KIAA1328: variants seen among roughly 807,000 people sequenced by gnomAD.
The protein encoded by KIAA1328 is KIAA1328, also known as protein hinderin.
Under a neutral mutation model 68.1 loss-of-function variants are expected in KIAA1328, and 52 were observed. That is an observed-to-expected ratio of 0.76 (90% CI 0.61 to 0.96). The LOEUF is 0.96. KIAA1328 is among the 40% of genes least tolerant of loss of function. The probability of loss-of-function intolerance (pLI) is 0.00; values close to 1 mark genes in which losing one functional copy is unlikely to be tolerated. For missense variants in KIAA1328, 641 were observed against 677.6 expected, an observed-to-expected ratio of 0.95 and a Z score of 0.60; for synonymous variants, 232 against 239.4, an observed-to-expected ratio of 0.97 and a Z score of 0.28.
At chr18:37,106,205 T>C (rs2057771565) in intron 7 of KIAA1328, among the ~76,000 whole-genome samples, 1 of 152,036 alleles carries the variant, frequency 6.6e-6, no homozygotes, top group South Asian at 2.1e-4. Context: ...AAAGTACTAA[T>C]GCATGTTACA....
intron 7 of KIAA1328, among the ~76,000 whole-genome samples, chr18:37,124,565 C>G (rs909715971): frequency 1.3e-5 from 2 of 152,090 alleles, no homozygotes; most frequent in African/African-American, 4.8e-5. Context: ...ACGGTCATGT[C>G]AATTTCAAGG....
At chr18:37,082,706 C>G (rs2056988478) in intron 7 of KIAA1328, among the ~76,000 whole-genome samples, 1 of 152,134 alleles carries the variant, frequency 6.6e-6, no homozygotes, top group Non-Finnish European at 1.5e-5. Flanking sequence ...TTCATTCTGC[C>G]ACCTTGTTAC....
chr18:37,057,242 G>A (rs2055948002), intron 6 of KIAA1328, among the ~76,000 whole-genome samples: 1 of 151,944 alleles, frequency 6.6e-6, no homozygotes, highest in Non-Finnish European at 1.5e-5. Context: ...AGAATATTTA[G>A]TATAATCATC....
downstream of KIAA1328, among the ~76,000 whole-genome samples, chr18:37,225,553 C>T (rs773982564): frequency 3.9e-5 from 6 of 152,206 alleles, no homozygotes; most frequent in Non-Finnish European, 5.9e-5. Context: ...CACGTGAACA[C>T]CAAGCCGCCT....
chr18:37,049,684 A>G (rs2055615031), intron 6 of KIAA1328, among the ~76,000 whole-genome samples: 1 of 152,166 alleles, frequency 6.6e-6, no homozygotes, highest in South Asian at 2.1e-4. Context: ...AGCCACCTAC[A>G]CAAGGAAGAA....
intron 6 of KIAA1328, among the ~76,000 whole-genome samples, chr18:36,963,315 T>C (rs2051773967): frequency 6.6e-6 from 1 of 152,206 alleles, no homozygotes. Context: ...TTTGCGTTTC[T>C]ATTTACTGCT....
At chr18:37,166,454 C>G (rs1045382522) in intron 8 of KIAA1328, among the ~76,000 whole-genome samples, 1 of 151,962 alleles carries the variant, frequency 6.6e-6, no homozygotes, top group Non-Finnish European at 1.5e-5. Context: ...TTTTTAAGCT[C>G]ATCAGCTATC....
chr18:37,170,023 C>T (rs2059470088), intron 8 of KIAA1328, among the ~76,000 whole-genome samples: 1 of 152,154 alleles, frequency 6.6e-6, no homozygotes, highest in South Asian at 2.1e-4. Flanking sequence ...ACTCACAAAT[C>T]CCTTTCAGTT....
chr18:36,948,524 T>C (rs2051002675), intron 5 of KIAA1328, among the ~76,000 whole-genome samples: 1 of 151,312 alleles, frequency 6.6e-6, no homozygotes, highest in Middle Eastern at 3.2e-3. Flanking sequence ...CCTCCAAAAG[T>C]GCTGGGATTA....
intron 6 of KIAA1328, among the ~76,000 whole-genome samples, chr18:36,992,451 C>CTTTTTTTTTTTT (rs71168252): frequency 4.6e-5 from 6 of 130,104 alleles, no homozygotes; most frequent in African/African-American, 1.7e-4. Flanking sequence ...TCTTTTCTTT[C>CTTTTTTTTTTTT]TTTTTTTTTT....
At chr18:37,193,544 T>C in intron 9 of KIAA1328, 3 of 697,690 alleles carry the variant, frequency 4.3e-6, no homozygotes, top group African/African-American at 3.5e-5. Context: ...TAACAACCTA[T>C]TTAATCCTTG....
At chr18:37,228,133 A>G (rs576882090), downstream of KIAA1328, among the ~76,000 whole-genome samples, 31 of 152,352 alleles carry the variant, frequency 2.0e-4, no homozygotes, top group African/African-American at 7.0e-4. Context: ...AATTGCTGCA[A>G]TCTCATGATA....
At chr18:36,952,032 A>G (rs543717602) in intron 5 of KIAA1328, among the ~76,000 whole-genome samples, 3 of 152,342 alleles carry the variant, frequency 2.0e-5, no homozygotes, top group African/African-American at 7.2e-5. Flanking sequence ...TTTGAGATCT[A>G]GCCCCTGTTG....
intron 7 of KIAA1328, among the ~76,000 whole-genome samples, chr18:37,118,296 A>T (rs888347352): frequency 1.3e-5 from 2 of 152,134 alleles, no homozygotes; most frequent in African/African-American, 4.8e-5. Flanking sequence ...CACCCAGCCT[A>T]TAATAACTTT....
chr18:37,055,594 C>T (rs2055876115), intron 6 of KIAA1328, among the ~76,000 whole-genome samples: 1 of 152,176 alleles, frequency 6.6e-6, no homozygotes, highest in African/African-American at 2.4e-5. Flanking sequence ...GTCAACTTGA[C>T]GACTGGTCCA....
At chr18:37,217,778 C>T (rs906807923) in intron 9 of KIAA1328, among the ~76,000 whole-genome samples, 5 of 152,192 alleles carry the variant, frequency 3.3e-5, no homozygotes, top group Non-Finnish European at 7.3e-5. Context: ...AGCTTGGTTC[C>T]ATTCTCCCTG....
chr18:37,150,461 A>G (rs2059003869), intron 7 of KIAA1328, among the ~76,000 whole-genome samples: 1 of 152,130 alleles, frequency 6.6e-6, no homozygotes, highest in Non-Finnish European at 1.5e-5. Flanking sequence ...CTATAGGAAG[A>G]AGGAACTATT....
At chr18:36,916,042 T>C (rs2049685021) in intron 5 of KIAA1328, among the ~76,000 whole-genome samples, 2 of 152,212 alleles carry the variant, frequency 1.3e-5, no homozygotes, top group South Asian at 4.1e-4. Flanking sequence ...TGTTGTCTTT[T>C]CAATGTATGT....
chr18:36,924,901 T>C (rs1228536673), intron 5 of KIAA1328: 1 of 152,152 alleles, frequency 6.6e-6, no homozygotes, highest in Non-Finnish European at 1.5e-5. Context: ...TATATTGGAT[T>C]TGTTGAACAG....
Sources: allele counts gnomAD v4.1 joint callset (sites outside exome capture counted in the v4.1 genomes callset), GRCh38; gene constraint gnomAD v4.1.1; transcripts MANE v1.5; gene names NCBI Gene and HGNC (gene_info 2026-07-23, HGNC 2026-07-21).